The following WDR20 variants were observed in gnomAD, a reference collection of about 807,000 sequenced individuals.
WDR20 encodes WD repeat domain 20.
A neutral mutation model predicts 38.7 loss-of-function variants in WDR20; 3 were observed. The ratio of observed to expected loss-of-function variants is 0.08; its 90% CI spans 0.04 to 0.20. The LOEUF (loss-of-function observed/expected upper bound fraction) is 0.20, where lower values mean the gene tolerates loss of function less well. WDR20 is among the 10% of genes least tolerant of loss of function. WDR20 has a pLI of 1.00. For synonymous variants in WDR20, 298 were observed against 285.6 expected, an observed-to-expected ratio of 1.04 and a Z score of -0.44; for missense variants, 559 against 727.7, an observed-to-expected ratio of 0.77 and a Z score of 2.67.
chr14:102,148,347 C>T (rs559311970), intron 1 of WDR20, among the ~76,000 whole-genome samples: 1 of 151,962 alleles, frequency 6.6e-6, no homozygotes, highest in Admixed American at 6.6e-5. Flanking sequence ...GAGTTTGAGA[C>T]CAGCCAGGGC....
intron 1 of WDR20, among the ~76,000 whole-genome samples, chr14:102,176,458 G>T (rs2062105720): frequency 1.3e-5 from 2 of 152,130 alleles, no homozygotes; most frequent in South Asian, 4.1e-4. Context: ...CAGCACTTTG[G>T]GAGGCCAAGG....
chr14:102,198,198 G>A, intron 2 of WDR20: 1 of 203,296 alleles, frequency 4.9e-6, no homozygotes, highest in South Asian at 5.0e-5. Flanking sequence ...GCGCAATCTT[G>A]GCTCACTGCA....
rs551080801 is a variant in WDR20, at chr14:102,176,374, G to A, written c.250-18564G>A. Among the ~76,000 whole-genome samples, 37 of 149,988 alleles carry A rather than the reference G, an allele frequency of 2.5e-4. No individual in the cohort carries two copies. In the South Asian group the frequency reaches 2.5e-3, roughly 10 times the overall value. On this transcript the variant is annotated intron_variant, in intron 1 of 2. Coordinates refer to ENST00000342702, the MANE Select transcript of WDR20 (RefSeq NM_144574.4). ...CGCGCCACTGTACTCCAGCCTGGGC[G>A]ACAGAGCGAGACTCCATCTCAAAAA...
chr14:102,199,320 C>T (rs2059923632), intron 2 of WDR20, among the ~76,000 whole-genome samples: 1 of 151,778 alleles, frequency 6.6e-6, no homozygotes, highest in African/African-American at 2.4e-5. Flanking sequence ...TTGTGAAGGG[C>T]CTGAAGAGCG....
chr14:102,174,103 GATT>G (rs894405576), intron 1 of WDR20, among the ~76,000 whole-genome samples: 3 of 151,144 alleles, frequency 2.0e-5, no homozygotes, highest in Admixed American at 1.3e-4. Flanking sequence ...GGAATGCCAT[GATT>G]ATTATTATTA....
chr14:102,192,722 A>G (rs1406003926), intron 1 of WDR20, among the ~76,000 whole-genome samples: 2 of 151,856 alleles, frequency 1.3e-5, no homozygotes, highest in African/African-American at 4.8e-5. Flanking sequence ...ATATTAGGCT[A>G]TTTTCTCTGT....
chr14:102,193,465 A>G, intron 1 of WDR20: 1 of 1,613,674 alleles, frequency 6.2e-7, no homozygotes, highest in South Asian at 1.1e-5. Context: ...TCCTCCAGAC[A>G]ATCCCATGAG....
chr14:102,224,036 G>GTTT (rs1184725386), downstream of WDR20, among the ~76,000 whole-genome samples: 8 of 139,512 alleles, frequency 5.7e-5, no homozygotes, highest in African/African-American at 8.0e-5. Context: ...GTTTACCTGA[G>GTTT]ATTTTTTTTT....
chr14:102,166,853 A>G (rs755172631), intron 1 of WDR20, among the ~76,000 whole-genome samples: 17 of 152,132 alleles, frequency 1.1e-4, no homozygotes, highest in African/African-American at 3.4e-4. Flanking sequence ...TCTGAAGTAT[A>G]TATCTTGACT....
chr14:102,224,371 C>CAGCTCGTG (rs2064160633), downstream of WDR20: 1 of 350,462 alleles, frequency 2.9e-6, no homozygotes, highest in South Asian at 2.2e-5. Flanking sequence ...TGGTTGAAAC[C>CAGCTCGTG]AGCTCGTGAG....
intron 1 of WDR20, among the ~76,000 whole-genome samples, chr14:102,148,392 T>C (rs1227051127): frequency 6.6e-6 from 1 of 151,870 alleles, no homozygotes; most frequent in African/African-American, 2.4e-5. Flanking sequence ...AAGAAAAAAT[T>C]AGCCAGGTGT....
chr14:102,203,416 C>G (rs528938321), intron 2 of WDR20, among the ~76,000 whole-genome samples: 1 of 152,262 alleles, frequency 6.6e-6, no homozygotes, highest in South Asian at 2.1e-4. Flanking sequence ...TGTGTTTACA[C>G]TGACAGCACA....
At position 102,209,268 on chromosome 14, in the gene WDR20, G is replaced by A. The variant is rs149172648; in HGVS notation, c.1098G>A (p.Thr366=). The change falls in exon 3 of 3, where the codon ACG becomes ACA. Residue 366 remains threonine (T), a synonymous_variant. Coordinates refer to ENST00000342702, the MANE Select transcript of WDR20 (RefSeq NM_144574.4). This position sits in a 1 kb window ranked among gnomAD's most constrained non-coding sequence, Gnocchi z 6.0. ...NSTDSRPVSV[T]YRFGSVGQDT... ...CAGACAGCCGCCCCGTAAGTGTCAC[G>A]TATCGGTTTGGTTCCGTGGGCCAGG... The A allele has an allele frequency of 1.7e-5, 27 of 1,614,026 alleles. No homozygotes were observed. The African/African-American group carries it at 2.0e-4, about 12-fold the overall frequency.
At chr14:102,146,767 G>A (rs1566788273) in intron 1 of WDR20, among the ~76,000 whole-genome samples, 1 of 152,104 alleles carries the variant, frequency 6.6e-6, no homozygotes, top group Non-Finnish European at 1.5e-5. Context: ...GCTTCAGAGA[G>A]GGTCATGTTC....
chr14:102,153,608 CTCTT>C (rs923956104), intron 1 of WDR20, among the ~76,000 whole-genome samples: 5 of 152,100 alleles, frequency 3.3e-5, no homozygotes, highest in African/African-American at 1.2e-4. Context: ...GCCCGGCCAC[CTCTT>C]TCTTTATAAA....
At chr14:102,154,702 T>C (rs2056954364) in intron 1 of WDR20, among the ~76,000 whole-genome samples, 1 of 152,192 alleles carries the variant, frequency 6.6e-6, no homozygotes, top group Non-Finnish European at 1.5e-5. Context: ...GTGCTTGGCA[T>C]GTTGCAGGCA....
At chr14:102,190,581 G>A (rs1205227618) in intron 1 of WDR20, among the ~76,000 whole-genome samples, 1 of 151,940 alleles carries the variant, frequency 6.6e-6, no homozygotes, top group Admixed American at 6.6e-5. Flanking sequence ...CAACAAGAGG[G>A]AAATTCTGTC....
At chr14:102,217,851 C>T (rs143974214), downstream of WDR20, among the ~76,000 whole-genome samples, 563 of 152,336 alleles carry the variant, frequency 3.7e-3, 3 homozygotes, top group Non-Finnish European at 6.0e-3. Flanking sequence ...GTTTCCGCAC[C>T]GTCTCTAAAA....
intron 1 of WDR20, among the ~76,000 whole-genome samples, chr14:102,183,257 C>CT (rs142017339): frequency 1.3e-5 from 2 of 152,346 alleles, no homozygotes; most frequent in African/African-American, 4.8e-5. Flanking sequence ...GATCAGCTCT[C>CT]TGTTACCCAA....
Sources: gnomAD v4.1 joint callset for allele counts (sites outside exome capture counted in the v4.1 genomes callset) on GRCh38, gnomAD v4.1.1 for gene constraint, Gnocchi (gnomAD v3.1) non-coding constraint, MANE v1.5 for transcripts, NCBI Gene and HGNC (gene_info 2026-07-23, HGNC 2026-07-21) for gene names.